NKIRAS1: variants seen among roughly 807,000 people sequenced by gnomAD.
NKIRAS1 encodes the protein NF-kappa-B inhibitor-interacting Ras-like protein 1.
A neutral mutation model predicts 19.8 loss-of-function variants in NKIRAS1; 16 were observed. The ratio of observed to expected loss-of-function variants is 0.81; its 90% CI spans 0.55 to 1.23. The LOEUF (loss-of-function observed/expected upper bound fraction) is 1.23. Among genes scored for constraint, NKIRAS1 ranks in the 50% most tolerant of loss-of-function variants. The probability of loss-of-function intolerance (pLI) is 0.00; values close to 1 mark genes in which losing one functional copy is unlikely to be tolerated. For missense variants in NKIRAS1, 184 were observed against 220.0 expected, an observed-to-expected ratio of 0.84 and a Z score of 1.04; for synonymous variants, 88 against 79.0, an observed-to-expected ratio of 1.11 and a Z score of -0.61.
chr3:23,916,377 T>G (rs1271068250), intron 1 of NKIRAS1: 1 of 152,326 alleles, frequency 6.6e-6, no homozygotes, highest in East Asian at 1.9e-4. Flanking sequence ...CATTCACACC[T>G]GCCAAACAGG....
chr3:23,918,911 T>C (rs1046359294), upstream of NKIRAS1: 2 of 521,864 alleles, frequency 3.8e-6, no homozygotes, highest in African/African-American at 3.8e-5. Flanking sequence ...AAAGATAAGG[T>C]CCCCAAACCC....
intron 1 of NKIRAS1, among the ~76,000 whole-genome samples, chr3:23,936,038 A>G (rs1381145144): frequency 2.3e-5 from 3 of 131,764 alleles, no homozygotes; most frequent in African/African-American, 8.5e-5. Context: ...AGCTATAATC[A>G]CGCCACTGCA....
intron 1 of NKIRAS1, among the ~76,000 whole-genome samples, chr3:23,932,007 G>A (rs1399667631): frequency 6.6e-6 from 1 of 152,306 alleles, no homozygotes; most frequent in Middle Eastern, 3.4e-3. Flanking sequence ...GAGAACTTTT[G>A]TAAGCTATAC....
intron 3 of NKIRAS1, among the ~76,000 whole-genome samples, chr3:23,904,805 G>T (rs1228554368): frequency 6.6e-6 from 1 of 152,134 alleles, no homozygotes; most frequent in East Asian, 1.9e-4. Flanking sequence ...ATGTATACCA[G>T]AATTTATCAC....
chr3:23,924,797 T>C (rs1338040612), intron 1 of NKIRAS1, among the ~76,000 whole-genome samples: 2 of 152,246 alleles, frequency 1.3e-5, no homozygotes, highest in Non-Finnish European at 2.9e-5. Flanking sequence ...TCTGATTTCA[T>C]CTTTAAGTTC....
Position 23,910,893 on chromosome 3 carries a change from G to A in NKIRAS1, c.12C>T (p.Gly4=), listed in dbSNP as rs1264105873. 2.5e-6 allele frequency: 4 copies of A among 1,614,058 alleles called. No homozygotes were observed. The Admixed American group carries it at 6.7e-5, about 27-fold the overall frequency. The change falls in exon 3 of 5, where the codon GGC becomes GGT. Residue 4 remains glycine (G), a synonymous_variant. Coordinates refer to ENST00000425478, the MANE Select transcript of NKIRAS1 (RefSeq NM_020345.4). ...ACAATCCACAAACCACAACCTTGCA[G>A]CCCTTTCCCATCTTCTCTCAGGATA... MGK[G]CKVVVCGLLS...
At chr3:23,945,523 C>G in intron 1 of NKIRAS1, 1 of 1,098,446 alleles carries the variant, frequency 9.1e-7, no homozygotes, top group Non-Finnish European at 1.1e-6. Context: ...GCGGCGGCGG[C>G]GGCGCTGCCC....
At chr3:23,933,607 G>T (rs757160758) in intron 1 of NKIRAS1, among the ~76,000 whole-genome samples, 1 of 152,164 alleles carries the variant, frequency 6.6e-6, no homozygotes, top group Non-Finnish European at 1.5e-5. Flanking sequence ...GTGTCTACAT[G>T]CAAAGAATTC....
chr3:23,945,448 C>G, intron 1 of NKIRAS1: 1 of 359,006 alleles, frequency 2.8e-6, no homozygotes, highest in Non-Finnish European at 4.1e-6. Context: ...GAGCCCCGCC[C>G]GCTCTGCCCA....
chr3:23,903,962 C>G (rs535319804), intron 3 of NKIRAS1, among the ~76,000 whole-genome samples: 1 of 152,182 alleles, frequency 6.6e-6, no homozygotes, highest in East Asian at 1.9e-4. Context: ...GTCAGGAGTT[C>G]AAGACCAGCC....
chr3:23,937,796 CT>C (rs913223601), intron 1 of NKIRAS1, among the ~76,000 whole-genome samples: 46 of 152,104 alleles, frequency 3.0e-4, no homozygotes, highest in Admixed American at 2.1e-3. Context: ...TTTTTCCACT[CT>C]ATTCAATGAA....
At chr3:23,906,313 A>C (rs995850075) in intron 3 of NKIRAS1, among the ~76,000 whole-genome samples, 2 of 152,222 alleles carry the variant, frequency 1.3e-5, no homozygotes, top group African/African-American at 4.8e-5. Context: ...AGAACTGAGA[A>C]ACATCTGGAC....
intron 3 of NKIRAS1, among the ~76,000 whole-genome samples, chr3:23,907,006 G>C (rs1036050405): frequency 4.6e-5 from 7 of 152,040 alleles, no homozygotes; most frequent in Admixed American, 3.9e-4. Context: ...AGATTCTCAT[G>C]ACTCAGCCTC....
chr3:23,911,688 T>G (rs1703754398), intron 1 of NKIRAS1, among the ~76,000 whole-genome samples: 1 of 151,974 alleles, frequency 6.6e-6, no homozygotes, highest in East Asian at 1.9e-4. Flanking sequence ...ATGGACATGA[T>G]TTTTCAAAGA....
chr3:23,918,195 G>C (rs1704785197), upstream of NKIRAS1: 1 of 991,812 alleles, frequency 1.0e-6, no homozygotes, highest in Non-Finnish European at 1.5e-6. Flanking sequence ...GTTGTCTAAA[G>C]TGGCAAGTGT....
At chr3:23,919,010 T>G (rs950651295), upstream of NKIRAS1, 6 of 604,496 alleles carry the variant, frequency 9.9e-6, no homozygotes, top group Non-Finnish European at 1.5e-5. Flanking sequence ...TCTATGTGTG[T>G]TGTTTTAGCA....
At chr3:23,907,987 A>T (rs1044236751) in intron 3 of NKIRAS1, among the ~76,000 whole-genome samples, 1 of 152,188 alleles carries the variant, frequency 6.6e-6, no homozygotes, top group Non-Finnish European at 1.5e-5. Context: ...TAATAAAGGA[A>T]GCCTATCATT....
chr3:23,893,767 C>G (rs1171085334), intron 4 of NKIRAS1, among the ~76,000 whole-genome samples: 1 of 143,964 alleles, frequency 6.9e-6, no homozygotes, highest in Non-Finnish European at 1.5e-5. Context: ...CCACTGCACT[C>G]CAGCCTGGGT....
At chr3:23,945,208 G>A (rs1477330223) in intron 1 of NKIRAS1, 1 of 6,728 alleles carries the variant, frequency 1.5e-4, no homozygotes, top group Non-Finnish European at 2.9e-4. Flanking sequence ...CGGGGCGGAG[G>A]TCGCCGCAGC....
Sources: allele counts gnomAD v4.1 joint callset (sites outside exome capture counted in the v4.1 genomes callset), GRCh38; gene constraint gnomAD v4.1.1; transcripts MANE v1.5; gene names NCBI Gene and HGNC (gene_info 2026-07-23, HGNC 2026-07-21).